The following KIAA1217 variants were observed in gnomAD, a reference collection of about 807,000 sequenced individuals.
KIAA1217 encodes the protein sickle tail protein homolog.
KIAA1217 carries 88 observed loss-of-function variants against 163.9 expected under a neutral mutation model. The observed-to-expected ratio is 0.54, with a 90% CI of 0.45 to 0.64. The LOEUF (loss-of-function observed/expected upper bound fraction) is 0.64, where lower values mean the gene tolerates loss of function less well. KIAA1217 is among the 30% of genes least tolerant of loss of function. The pLI is 0.00. For missense variants in KIAA1217, 2,372 were observed against 2,475.0 expected (o/e 0.96, Z 0.88); for synonymous variants, 903 against 923.1 (o/e 0.98, Z 0.39).
intron 1 of KIAA1217, among the ~76,000 whole-genome samples, chr10:23,908,991 A>G (rs1589055974): frequency 6.6e-6 from 1 of 152,158 alleles, no homozygotes; most frequent in African/African-American, 2.4e-5. Context: ...ATAAAGAAAC[A>G]TATATATAGA....
intron 1 of KIAA1217, among the ~76,000 whole-genome samples, chr10:23,829,130 G>A (rs1831474419): frequency 6.6e-6 from 1 of 152,248 alleles, no homozygotes; most frequent in South Asian, 2.1e-4. Context: ...TCACAGCTAA[G>A]GTTGAATATC....
At chr10:24,103,103 T>C (rs558734256) in intron 2 of KIAA1217, among the ~76,000 whole-genome samples, 4 of 152,320 alleles carry the variant, frequency 2.6e-5, no homozygotes, top group African/African-American at 9.6e-5. Context: ...CTTTCCTTTA[T>C]AAATTACCCA....
At chr10:24,452,651 C>T (rs1382042469) in intron 5 of KIAA1217, among the ~76,000 whole-genome samples, 4 of 141,030 alleles carry the variant, frequency 2.8e-5, no homozygotes, top group Non-Finnish European at 6.0e-5. Flanking sequence ...CACTGCACTC[C>T]AGCCTGAGTG....
chr10:23,696,805 A>G (rs990817206), intron 1 of KIAA1217, among the ~76,000 whole-genome samples: 5 of 152,252 alleles, frequency 3.3e-5, no homozygotes, highest in Non-Finnish European at 7.3e-5. Context: ...GGATACTGTC[A>G]TTCATCTTTG....
At chr10:24,121,053 C>A (rs1451339687) in intron 2 of KIAA1217, among the ~76,000 whole-genome samples, 1 of 152,126 alleles carries the variant, frequency 6.6e-6, no homozygotes, top group Non-Finnish European at 1.5e-5. Context: ...GGAAAAAGAT[C>A]CAAGAATGAT....
At chr10:23,798,835 ATGAG>A (rs2130951503) in intron 1 of KIAA1217, among the ~76,000 whole-genome samples, 1 of 152,322 alleles carries the variant, frequency 6.6e-6, no homozygotes, top group East Asian at 1.9e-4. Flanking sequence ...GGAAGGAAGG[ATGAG>A]AGATGGTGCC....
At chr10:24,485,589 G>C (rs1266660799) in intron 6 of KIAA1217, among the ~76,000 whole-genome samples, 1 of 152,166 alleles carries the variant, frequency 6.6e-6, no homozygotes, top group Admixed American at 6.5e-5. Flanking sequence ...ATGAGGGCAA[G>C]CCCTGTGCTT....
intron 1 of KIAA1217, among the ~76,000 whole-genome samples, chr10:23,833,511 A>T (rs907501329): frequency 2.0e-5 from 3 of 151,314 alleles, no homozygotes; most frequent in Non-Finnish European, 3.0e-5. Flanking sequence ...GTAAACCATT[A>T]TCTTTCCTTA....
At chr10:23,970,531 C>T (rs183258004) in intron 1 of KIAA1217, among the ~76,000 whole-genome samples, 2 of 152,226 alleles carry the variant, frequency 1.3e-5, no homozygotes, top group Admixed American at 1.3e-4. Flanking sequence ...TATAAAGTTT[C>T]AGTTAAACAG....
intron 6 of KIAA1217, among the ~76,000 whole-genome samples, chr10:24,475,974 G>C (rs1435975444): frequency 6.6e-6 from 1 of 152,140 alleles, no homozygotes; most frequent in Non-Finnish European, 1.5e-5. Context: ...TGCATATAAT[G>C]TTGAGAGCCA....
chr10:23,764,854 A>G (rs1197975828), intron 1 of KIAA1217, among the ~76,000 whole-genome samples: 1 of 152,204 alleles, frequency 6.6e-6, no homozygotes, highest in Non-Finnish European at 1.5e-5. Context: ...GCAAACCACC[A>G]TGGCACACAT....
At chr10:24,381,786 T>C (rs1238295521) in intron 3 of KIAA1217, among the ~76,000 whole-genome samples, 1 of 152,192 alleles carries the variant, frequency 6.6e-6, no homozygotes, top group Non-Finnish European at 1.5e-5. Context: ...TTGGCATTTG[T>C]ACCCAGTGGT....
intron 2 of KIAA1217, among the ~76,000 whole-genome samples, chr10:24,153,004 C>A (rs2064693278): frequency 6.6e-6 from 1 of 152,152 alleles, no homozygotes; most frequent in Non-Finnish European, 1.5e-5. Flanking sequence ...ACAAGAAGAA[C>A]CTATTCAGAA....
chr10:23,866,889 T>G (rs528643115), intron 1 of KIAA1217, among the ~76,000 whole-genome samples: 9 of 152,100 alleles, frequency 5.9e-5, no homozygotes, highest in South Asian at 2.1e-4. Context: ...AGGGTACATG[T>G]GCACAATGTG....
At chr10:24,033,881 T>G (rs6482358) in intron 2 of KIAA1217, among the ~76,000 whole-genome samples, 54,490 of 152,078 alleles carry the variant, frequency 0.36, 10,768 homozygotes, top group African/African-American at 0.51. Flanking sequence ...ACACTGAATA[T>G]TTGAACAGAG....
chr10:24,516,756 G>A (rs1172801599), intron 10 of KIAA1217, among the ~76,000 whole-genome samples: 2 of 152,196 alleles, frequency 1.3e-5, no homozygotes, highest in African/African-American at 4.8e-5. Context: ...AAGGCAGTGA[G>A]GCCTGAACCA....
chr10:24,264,765 TTCTCTC>T (rs55761615), intron 2 of KIAA1217, among the ~76,000 whole-genome samples: 6,046 of 131,832 alleles, frequency 0.046, 168 homozygotes, highest in African/African-American at 0.09. Context: ...CGGTCGGTCT[TTCTCTC>T]TCTCTCTCTC....
At chr10:23,831,126 C>G (rs1255733437) in intron 1 of KIAA1217, among the ~76,000 whole-genome samples, 1 of 152,060 alleles carries the variant, frequency 6.6e-6, no homozygotes, top group African/African-American at 2.4e-5. Flanking sequence ...AAATTAGACC[C>G]TTATCTCGTG....
At chr10:24,098,724 C>CGA (rs373969607) in intron 2 of KIAA1217, among the ~76,000 whole-genome samples, 1 of 139,278 alleles carries the variant, frequency 7.2e-6, no homozygotes, top group Non-Finnish European at 1.6e-5. Flanking sequence ...TGAAGGGGAG[C>CGA]GTGTGTGTGT....
Sources: allele counts gnomAD v4.1 joint callset (sites outside exome capture counted in the v4.1 genomes callset), GRCh38; gene constraint gnomAD v4.1.1; transcripts MANE v1.5; gene names NCBI Gene and HGNC (gene_info 2026-07-23, HGNC 2026-07-21).